GALNTL6: variants seen among roughly 807,000 people sequenced by gnomAD.
The protein encoded by GALNTL6 is polypeptide N-acetylgalactosaminyltransferase like 6, also known as polypeptide N-acetylgalactosaminyltransferase-like 6.
A neutral mutation model predicts 73.7 loss-of-function variants in GALNTL6; 46 were observed. The observed-to-expected ratio is 0.62, with a 90% CI of 0.49 to 0.80. The LOEUF is 0.80. Among genes scored for constraint, GALNTL6 ranks in the 30% least tolerant of loss-of-function variants. GALNTL6 has a pLI of 0.00. For synonymous variants in GALNTL6, 259 were observed against 263.7 expected (o/e 0.98, Z 0.17); for missense variants, 604 against 755.0 (o/e 0.80, Z 2.34).
intron 8 of GALNTL6, among the ~76,000 whole-genome samples, chr4:172,898,890 C>T (rs975510449): frequency 1.3e-5 from 2 of 152,150 alleles, no homozygotes; most frequent in African/African-American, 4.8e-5. Flanking sequence ...AAACATCAAC[C>T]CCTGACCTAA....
chr4:172,857,014 T>C (rs145267108), intron 7 of GALNTL6, among the ~76,000 whole-genome samples: 21 of 152,354 alleles, frequency 1.4e-4, no homozygotes, highest in African/African-American at 5.0e-4. Flanking sequence ...CAGTTCATCC[T>C]ATTTGCCACT....
At chr4:172,716,795 T>G (rs1175007523) in intron 5 of GALNTL6, among the ~76,000 whole-genome samples, 1 of 152,192 alleles carries the variant, frequency 6.6e-6, no homozygotes. Flanking sequence ...TCGCTACTGG[T>G]TTAGTAAGTC....
intron 2 of GALNTL6, among the ~76,000 whole-genome samples, chr4:171,981,744 A>G (rs1047930306): frequency 2.0e-5 from 3 of 152,102 alleles, no homozygotes; most frequent in Non-Finnish European, 4.4e-5. Context: ...TACTTTCAGT[A>G]TACTTTTTTT....
At chr4:172,902,598 A>G (rs1381786779) in intron 8 of GALNTL6, among the ~76,000 whole-genome samples, 3 of 152,178 alleles carry the variant, frequency 2.0e-5, no homozygotes, top group African/African-American at 7.2e-5. Flanking sequence ...AGAAACATCC[A>G]AGGTTCCAGT....
intron 2 of GALNTL6, among the ~76,000 whole-genome samples, chr4:172,027,789 G>A (rs1340656031): frequency 1.3e-5 from 2 of 152,126 alleles, no homozygotes; most frequent in African/African-American, 4.8e-5. Flanking sequence ...TGCTACTCCA[G>A]TGAGTGCATG....
intron 5 of GALNTL6, among the ~76,000 whole-genome samples, chr4:172,634,123 A>G (rs1043349975): frequency 5.9e-5 from 9 of 152,190 alleles, no homozygotes; most frequent in Non-Finnish European, 1.0e-4. Context: ...TCTGTTTCCA[A>G]TATGTCCCAT....
chr4:172,329,749 G>A (rs6553626), intron 4 of GALNTL6, among the ~76,000 whole-genome samples: 85,151 of 152,016 alleles, frequency 0.56, 26,568 homozygotes, highest in Non-Finnish European at 0.71. Flanking sequence ...AGGCTGTGAA[G>A]CAGCAAAGAT....
At chr4:172,093,683 A>G (rs1337280724) in intron 2 of GALNTL6, among the ~76,000 whole-genome samples, 1 of 152,062 alleles carries the variant, frequency 6.6e-6, no homozygotes, top group African/African-American at 2.4e-5. Context: ...TTAGATTCTC[A>G]TGGGAGCATG....
chr4:171,932,986 A>G (rs1351307323), intron 2 of GALNTL6, among the ~76,000 whole-genome samples: 1 of 152,224 alleles, frequency 6.6e-6, no homozygotes, highest in Non-Finnish European at 1.5e-5. Flanking sequence ...TGTGTTTGCC[A>G]GAAATTCAGA....
intron 2 of GALNTL6, among the ~76,000 whole-genome samples, chr4:171,901,858 A>G (rs1019950526): frequency 6.6e-6 from 1 of 152,154 alleles, no homozygotes; most frequent in African/African-American, 2.4e-5. Flanking sequence ...CACAAAGTTG[A>G]TAATATTCTA....
intron 2 of GALNTL6, among the ~76,000 whole-genome samples, chr4:171,930,680 A>T (rs945824513): frequency 1.1e-4 from 16 of 151,976 alleles, no homozygotes; most frequent in African/African-American, 3.9e-4. Context: ...ACTAAAAAAT[A>T]AAAAAAATAG....
At chr4:172,203,107 T>A (rs902313362) in intron 2 of GALNTL6, among the ~76,000 whole-genome samples, 21 of 152,310 alleles carry the variant, frequency 1.4e-4, no homozygotes, top group Middle Eastern at 3.4e-3. Context: ...GCAGTGTTTG[T>A]GTTGAGATTT....
chr4:172,084,991 A>G (rs1161372750), intron 2 of GALNTL6, among the ~76,000 whole-genome samples: 1 of 152,182 alleles, frequency 6.6e-6, no homozygotes, highest in Non-Finnish European at 1.5e-5. Flanking sequence ...TGAGTTTCTT[A>G]AAGATGTGAA....
At chr4:171,825,970 G>A (rs899733091) in intron 2 of GALNTL6, among the ~76,000 whole-genome samples, 1 of 152,146 alleles carries the variant, frequency 6.6e-6, no homozygotes, top group Non-Finnish European at 1.5e-5. Flanking sequence ...GCTGGGACCT[G>A]TCAGTTTATT....
At chr4:171,820,931 A>G (rs1268384460) in intron 2 of GALNTL6, among the ~76,000 whole-genome samples, 1 of 152,230 alleles carries the variant, frequency 6.6e-6, no homozygotes, top group East Asian at 1.9e-4. Flanking sequence ...AGAAATCCAG[A>G]GAAAATTATA....
chr4:172,988,608 G>C (rs28800549), intron 10 of GALNTL6, among the ~76,000 whole-genome samples: 1 of 152,288 alleles, frequency 6.6e-6, no homozygotes, highest in South Asian at 2.1e-4. Flanking sequence ...ATGCCTTGAA[G>C]ATGTTTCAGA....
At chr4:172,532,966 C>A (rs983651177) in intron 5 of GALNTL6, among the ~76,000 whole-genome samples, 1 of 151,384 alleles carries the variant, frequency 6.6e-6, no homozygotes, top group African/African-American at 2.4e-5. Context: ...AATGAAAAAG[C>A]TGAAATGAAT....
At chr4:171,857,150 C>T (rs1255225104) in intron 2 of GALNTL6, among the ~76,000 whole-genome samples, 1 of 151,972 alleles carries the variant, frequency 6.6e-6, no homozygotes, top group African/African-American at 2.4e-5. Flanking sequence ...TATTCATGTA[C>T]ATGTAAGCAT....
At chr4:173,003,052 G>C (rs142074998) in intron 10 of GALNTL6, among the ~76,000 whole-genome samples, 1 of 152,280 alleles carries the variant, frequency 6.6e-6, no homozygotes, top group South Asian at 2.1e-4. Flanking sequence ...CATAGATCTT[G>C]GTGATGGTTA....
Sources: allele counts gnomAD v4.1 joint callset (sites outside exome capture counted in the v4.1 genomes callset), GRCh38; gene constraint gnomAD v4.1.1; transcripts MANE v1.5; gene names NCBI Gene and HGNC (gene_info 2026-07-23, HGNC 2026-07-21).